The following DIS3L2 variants were observed in gnomAD, a reference collection of about 807,000 sequenced individuals.
DIS3L2 encodes the protein DIS3-like exonuclease 2.
In DIS3L2, 34 loss-of-function variants were observed where a neutral mutation model predicts 97.5. The observed-to-expected ratio is 0.35, with a 90% CI of 0.27 to 0.46. The LOEUF (loss-of-function observed/expected upper bound fraction) is 0.46. Among genes scored for constraint, DIS3L2 ranks in the 20% least tolerant of loss-of-function variants. The pLI, the probability that DIS3L2 is intolerant of heterozygous loss-of-function variation, is 1.00. For missense variants in DIS3L2, 1,038 were observed against 1,146.0 expected (o/e 0.91, Z 1.36); for synonymous variants, 435 against 445.2 (o/e 0.98, Z 0.29).
intron 9 of DIS3L2, among the ~76,000 whole-genome samples, chr2:232,205,666 C>G (rs1323222939): frequency 6.6e-6 from 1 of 151,934 alleles, no homozygotes; most frequent in East Asian, 1.9e-4. Context: ...TTAGGCACAG[C>G]CAGGATAAGG....
intron 9 of DIS3L2, among the ~76,000 whole-genome samples, chr2:232,182,608 A>T (rs1691322378): frequency 2.6e-5 from 4 of 152,106 alleles, no homozygotes; most frequent in African/African-American, 9.7e-5. Flanking sequence ...TGTTAGATGC[A>T]TGTGTGTTTA....
chr2:232,278,641 C>T (rs1282819689), intron 13 of DIS3L2, among the ~76,000 whole-genome samples: 3 of 152,186 alleles, frequency 2.0e-5, no homozygotes, highest in Non-Finnish European at 4.4e-5. Context: ...TTGTGTGTAT[C>T]AGTGGTCATT....
intron 1 of DIS3L2, among the ~76,000 whole-genome samples, chr2:231,964,872 T>C (rs1692668861): frequency 6.6e-6 from 1 of 152,232 alleles, no homozygotes; most frequent in African/African-American, 2.4e-5. Context: ...AGAAATCATT[T>C]CTGGATTAAA....
At chr2:232,138,234 T>G (rs1698414266) in intron 8 of DIS3L2, among the ~76,000 whole-genome samples, 1 of 152,152 alleles carries the variant, frequency 6.6e-6, no homozygotes, top group Non-Finnish European at 1.5e-5. Context: ...TCAGGAACCC[T>G]TTTCTTGAAG....
chr2:232,304,790 T>C (rs1694946070), intron 14 of DIS3L2, among the ~76,000 whole-genome samples: 1 of 152,242 alleles, frequency 6.6e-6, no homozygotes. Context: ...CTACATTATG[T>C]CTGAGTGGAT....
intron 1 of DIS3L2, among the ~76,000 whole-genome samples, chr2:231,973,411 T>C (rs1311494516): frequency 6.6e-6 from 1 of 151,986 alleles, no homozygotes; most frequent in Non-Finnish European, 1.5e-5. Context: ...CTTAAACAAA[T>C]CACAAATTTC....
chr2:232,203,654 G>A (rs1322402555), intron 9 of DIS3L2, among the ~76,000 whole-genome samples: 3 of 152,220 alleles, frequency 2.0e-5, no homozygotes, highest in African/African-American at 7.2e-5. Flanking sequence ...CTGGCTCCCA[G>A]CCTGTCACAG....
At chr2:232,285,569 GTGTCCCTGTT>G (rs1183803098) in intron 13 of DIS3L2, among the ~76,000 whole-genome samples, 1 of 152,238 alleles carries the variant, frequency 6.6e-6, no homozygotes, top group East Asian at 1.9e-4. Flanking sequence ...CTCCAACACA[GTGTCCCTGTT>G]TGTGGGAGAA....
chr2:232,330,244 G>C (rs1007305424), intron 15 of DIS3L2, among the ~76,000 whole-genome samples: 15 of 152,240 alleles, frequency 9.9e-5, no homozygotes, highest in African/African-American at 3.6e-4. Context: ...CAGAGGGCAG[G>C]GGTCCTGTGG....
chr2:232,082,794 T>G (rs1696444024), intron 5 of DIS3L2, among the ~76,000 whole-genome samples: 1 of 152,242 alleles, frequency 6.6e-6, no homozygotes, highest in South Asian at 2.1e-4. Flanking sequence ...TGCTGTACTC[T>G]GGTTGTTGCT....
chr2:232,113,413 C>T (rs916475635), intron 6 of DIS3L2, among the ~76,000 whole-genome samples: 4 of 152,184 alleles, frequency 2.6e-5, no homozygotes, highest in Admixed American at 2.6e-4. Context: ...GTACTAACAC[C>T]TTTGCCATGC....
At chr2:232,060,268 G>A (rs528629922) in intron 5 of DIS3L2, among the ~76,000 whole-genome samples, 1 of 152,092 alleles carries the variant, frequency 6.6e-6, no homozygotes, top group East Asian at 1.9e-4. Flanking sequence ...TTTTGCTTTG[G>A]TCGCCTGTGC....
chr2:232,161,673 G>T (rs777235318), intron 8 of DIS3L2, among the ~76,000 whole-genome samples: 1 of 152,070 alleles, frequency 6.6e-6, no homozygotes, highest in African/African-American at 2.4e-5. Context: ...GTTTCACCAC[G>T]TTGGCCAGGC....
intron 6 of DIS3L2, among the ~76,000 whole-genome samples, chr2:232,095,662 T>C (rs1574871114): frequency 6.6e-6 from 1 of 152,216 alleles, no homozygotes; most frequent in East Asian, 1.9e-4. Flanking sequence ...GTGAGTTTTG[T>C]ACCTTCAGAT....
chr2:232,204,094 A>G (rs189937704), intron 9 of DIS3L2, among the ~76,000 whole-genome samples: 1 of 152,316 alleles, frequency 6.6e-6, no homozygotes, highest in Non-Finnish European at 1.5e-5. Flanking sequence ...TAAGATGCTT[A>G]ATCTGGCAGC....
intron 11 of DIS3L2, among the ~76,000 whole-genome samples, chr2:232,239,291 A>T (rs578148867): frequency 6.6e-6 from 1 of 152,242 alleles, no homozygotes; most frequent in Non-Finnish European, 1.5e-5. Context: ...TGGACCTGGC[A>T]CATTCAATAG....
intron 1 of DIS3L2, among the ~76,000 whole-genome samples, chr2:231,982,158 T>C (rs1009125734): frequency 2.0e-5 from 3 of 152,190 alleles, no homozygotes; most frequent in African/African-American, 4.8e-5. Flanking sequence ...TAGACTCTTA[T>C]AGGATATACT....
At chr2:232,310,332 CGTG>C (rs1205423527) in intron 14 of DIS3L2, among the ~76,000 whole-genome samples, 1 of 152,176 alleles carries the variant, frequency 6.6e-6, no homozygotes, top group African/African-American at 2.4e-5. Flanking sequence ...GTATTGTGCA[CGTG>C]GGAGTCAGCC....
At chr2:232,205,424 T>C (rs1218379383) in intron 9 of DIS3L2, among the ~76,000 whole-genome samples, 1 of 151,890 alleles carries the variant, frequency 6.6e-6, no homozygotes, top group East Asian at 1.9e-4. Context: ...AGGAGTAGTC[T>C]CCTGAGTAGC....
Sources: allele counts gnomAD v4.1 joint callset (sites outside exome capture counted in the v4.1 genomes callset), GRCh38; gene constraint gnomAD v4.1.1; transcripts MANE v1.5; gene names NCBI Gene and HGNC (gene_info 2026-07-23, HGNC 2026-07-21).